Variants in P2RX3 observed in about 807,000 individuals in gnomAD.
The protein encoded by P2RX3 is P2X purinoceptor 3.
A neutral mutation model predicts 51.5 loss-of-function variants in P2RX3; 41 were observed. The ratio of observed to expected loss-of-function variants is 0.80; its 90% CI spans 0.62 to 1.03. The LOEUF (loss-of-function observed/expected upper bound fraction) is 1.03, where lower values mean the gene tolerates loss of function less well. P2RX3 is among the 50% of genes least tolerant of loss of function. The probability of loss-of-function intolerance (pLI) is 0.00; values close to 1 mark genes in which losing one functional copy is unlikely to be tolerated. For missense variants in P2RX3, 459 were observed against 522.1 expected (o/e 0.88, Z 1.18); for synonymous variants, 185 against 191.6 (o/e 0.97, Z 0.29).
Position 57,347,468 on chromosome 11 carries a change from G to A in P2RX3, c.381G>A (p.Leu127=). Residue 127 remains leucine (L), a synonymous_variant, in exon 4 of 12, where the codon TTG becomes TTA. Transcript: ENST00000263314. ...ACAGCCAGTGCGGGCCTGAGCGCTT[G>A]CCAGGTGGGGGTGAGTCCAGCCCCT... ...VSDSQCGPER[L]PGGGILTGRC... is the part of the protein sequence containing the mutation. The A allele has an allele frequency of 6.4e-7, 1 of 1,556,722 alleles. No homozygotes were observed. The highest frequency in any genetic ancestry group is 1.8e-4 in the Middle Eastern group (1 of 5,686).
chr11:57,350,970 C>A, intron 8 of P2RX3, 72 bp downstream of exon 8: 2 of 1,597,544 alleles, frequency 1.3e-6, no homozygotes, highest in Non-Finnish European at 8.6e-7. Flanking sequence ...ATTGGGGAGA[C>A]AAGATCCCAC....
At chr11:57,343,377 C>A (rs1391142877) in intron 1 of P2RX3, among the ~76,000 whole-genome samples, 1 of 152,216 alleles carries the variant, frequency 6.6e-6, no homozygotes, top group East Asian at 1.9e-4. Context: ...GTAGGAAAAG[C>A]ACAGGGTCCG....
At position 57,360,137 on chromosome 11, in the gene P2RX3, G is replaced by A. The variant is rs567034497; in HGVS notation, c.843-7872G>A. On this transcript the variant is annotated intron_variant, in intron 8 of 11. Transcript: ENST00000263314. The stretch of plus-strand genomic sequence containing the variant: ...AGGCCTAAATGAAACAACAGGTGTG[G>A]AAGCCTCTAGCCTAGTGCTTAGCAG... Among the ~76,000 whole-genome samples, 7 of 152,264 alleles carry A rather than the reference G, an allele frequency of 4.6e-5. No homozygotes were observed. In the South Asian group the frequency reaches 1.5e-3, roughly 32 times the overall value.
rs1162952331 is a variant in P2RX3 at position 57,371,206 on chromosome 11, T to C, written c.*1209T>C. Among the ~76,000 whole-genome samples, 2 of 152,160 alleles carry C rather than the reference T, an allele frequency of 1.3e-5. No individual in the cohort carries two copies. The highest frequency in any genetic ancestry group is 2.9e-5 in the Non-Finnish European group (2 of 68,014). ...GATCCATTGACCCAGACATCCTCTA[T>C]CCCCTTTCTGTCCTCTCCTACAGTG... is the stretch of plus-strand genomic sequence containing the variant. On this transcript the variant is annotated 3_prime_UTR_variant, in exon 12 of 12. Coordinates refer to ENST00000263314, the MANE Select transcript of P2RX3 (RefSeq NM_002559.5).
chr11:57,364,391 C>T (rs1856766789), intron 8 of P2RX3, among the ~76,000 whole-genome samples: 1 of 152,160 alleles, frequency 6.6e-6, no homozygotes, highest in African/African-American at 2.4e-5. Flanking sequence ...GATTAGAATC[C>T]CAGCTCTGGC....
intron 8 of P2RX3, among the ~76,000 whole-genome samples, chr11:57,359,035 G>T (rs1590635734): frequency 6.6e-6 from 1 of 152,160 alleles, no homozygotes; most frequent in Admixed American, 6.5e-5. Context: ...TTCAGCTGGG[G>T]TTTGTGAAGA....
chr11:57,341,267 C>T (rs1290134597), intron 1 of P2RX3, among the ~76,000 whole-genome samples: 1 of 152,108 alleles, frequency 6.6e-6, no homozygotes, highest in African/African-American at 2.4e-5. Flanking sequence ...TGGACCCAAT[C>T]GAATTTGAAG....
chr11:57,363,457 G>A (rs1004796369), intron 8 of P2RX3, among the ~76,000 whole-genome samples: 5 of 152,146 alleles, frequency 3.3e-5, no homozygotes, highest in Non-Finnish European at 4.4e-5. Flanking sequence ...CTGCCATCTT[G>A]ACTCAGTCTC....
At chr11:57,359,030 C>T (rs1412073219) in intron 8 of P2RX3, among the ~76,000 whole-genome samples, 1 of 152,128 alleles carries the variant, frequency 6.6e-6, no homozygotes. Context: ...GCACATTCAG[C>T]TGGGGTTTGT....
At chr11:57,363,176 C>T (rs1856746460) in intron 8 of P2RX3, among the ~76,000 whole-genome samples, 1 of 152,206 alleles carries the variant, frequency 6.6e-6, no homozygotes, top group African/African-American at 2.4e-5. Flanking sequence ...GGGTTTACTC[C>T]TGGGATATAG....
In P2RX3 at chr11:57,350,296, C is replaced by CTTTTTTTTT. The variant is rs1183553337; in HGVS notation, c.705+411_705+419dup. On this transcript the variant is annotated intron_variant, in intron 7 of 11. Coordinates refer to ENST00000263314, the MANE Select transcript of P2RX3 (RefSeq NM_002559.5). Reference sequence around the variant, plus strand: ...CCAATGTTCGCATCCGAGCCACAACCTTTTTTTTTTTTTTTTTTTTTGAGA... The same window carrying CTTTTTTTTT: ...CCAATGTTCGCATCCGAGCCACAACCTTTTTTTTTTTTTTTTTTTTTTTTTTTTTTGAGA... 115 of 108,810 alleles carry CTTTTTTTTT rather than the reference C, an allele frequency of 1.1e-3. 4 individuals are homozygous for CTTTTTTTTT. Among genetic ancestry groups the CTTTTTTTTT allele is most frequent in the South Asian group, 3.7e-3 (11 of 2,946 alleles). 6.7% of individuals were successfully genotyped at this position (108,810 alleles called of 1,614,324 possible). A position where few individuals can be genotyped will look rare whatever the true frequency, so the allele number is the denominator to read the frequency against.
chr11:57,349,915 T>A lies in P2RX3; in HGVS notation c.705+17T>A. ...GCGCGCACGGTGAGGACCTAGCCATTCTTCCGCGACCCCAAACTCCCCACC... is the reference window on the plus strand; with the variant it reads ...GCGCGCACGGTGAGGACCTAGCCATACTTCCGCGACCCCAAACTCCCCACC... On this transcript the variant is annotated intron_variant, in intron 7 of 11. Coordinates refer to ENST00000263314, the MANE Select transcript of P2RX3 (RefSeq NM_002559.5). The A allele has an allele frequency of 6.2e-7, 1 of 1,613,700 alleles. No individual in the cohort carries two copies. The highest frequency in any genetic ancestry group is 8.5e-7 in the Non-Finnish European group (1 of 1,179,662).
At chr11:57,348,516 A>G (rs546914150) in intron 5 of P2RX3, 111 bp from the exon 6 acceptor site, 66 of 902,252 alleles carry the variant, frequency 7.3e-5, no homozygotes, top group African/African-American at 2.0e-4. Flanking sequence ...CCCTTTATCT[A>G]TAAGAGGTCT....
chr11:57,344,264 A>G (rs1489616380), intron 1 of P2RX3, among the ~76,000 whole-genome samples: 1 of 152,256 alleles, frequency 6.6e-6, no homozygotes, highest in East Asian at 1.9e-4. Flanking sequence ...TTCAGAATTC[A>G]AGCCAGTAAT....
At position 57,346,559 on chromosome 11, in the gene P2RX3, C is replaced by A. The variant is rs748533273; in HGVS notation, c.135C>A (p.His45Gln). 1.9e-6 allele frequency: 3 copies of A among 1,614,080 alleles called. No individual in the cohort carries two copies. The South Asian group carries it at 3.3e-5, about 18-fold the overall frequency. Residue 45 changes from histidine (H) to glutamine (Q), a missense_variant, in exon 2 of 12, where the codon CAC becomes CAA. Transcript: ENST00000263314. The part of the protein sequence containing the change: ...ISYFVGWVFL[H>Q]EKAYQVRDTA... ...CCTGCCCCAGGTGGGTTTTCTTGCA[C>A]GAGAAGGCTTACCAGGTACGGGACA... is the stretch of plus-strand genomic sequence containing the variant.
chr11:57,345,291 G>A lies in P2RX3; in HGVS notation c.120-1253G>A, dbSNP rs555872754. On this transcript the variant is annotated intron_variant, in intron 1 of 11. Coordinates refer to ENST00000263314, the MANE Select transcript of P2RX3 (RefSeq NM_002559.5). ...TAGAAGCAGAAAATGCCCTCACCCAGCATTTCCAAAAGTGTGCTCCTCTGT... is the reference window on the plus strand; with the variant it reads ...TAGAAGCAGAAAATGCCCTCACCCAACATTTCCAAAAGTGTGCTCCTCTGT... Among the ~76,000 whole-genome samples the A allele has an allele frequency of 5.5e-4, 83 of 152,278 alleles. 2 individuals carry two copies. The South Asian group carries it at 0.016, about 30-fold the overall frequency.
chr11:57,338,753 A>G (rs1383120747), intron 1 of P2RX3, 84 bp downstream of exon 1: 2 of 860,648 alleles, frequency 2.3e-6, no homozygotes, highest in Non-Finnish European at 3.8e-6. Flanking sequence ...GCTACCATCC[A>G]GCTTCCTGAG....
upstream of P2RX3, among the ~76,000 whole-genome samples, chr11:57,337,018 A>G (rs7110052): frequency 0.19 from 29,181 of 152,114 alleles, 3,356 homozygotes; most frequent in African/African-American, 0.32. Flanking sequence ...CCGGCCAGGC[A>G]CGGTGGCTCA....
intron 6 of P2RX3, 113 bp downstream of exon 6, chr11:57,348,817 A>C (rs1351187214): frequency 1.4e-6 from 1 of 732,038 alleles, no homozygotes; most frequent in South Asian, 1.7e-5. Context: ...CTTTCGCTCC[A>C]CTGACCCATC....
Sources: gnomAD v4.1 joint callset for allele counts (sites outside exome capture counted in the v4.1 genomes callset) on GRCh38, gnomAD v4.1.1 for gene constraint, MANE v1.5 for transcripts, NCBI Gene and HGNC (gene_info 2026-07-23, HGNC 2026-07-21) for gene names.